Variants in DUXA observed in about 807,000 individuals in gnomAD.
DUXA encodes double homeobox A.
In DUXA, 25 loss-of-function variants were observed where a neutral mutation model predicts 27.5. The ratio of observed to expected loss-of-function variants is 0.91; its 90% CI spans 0.66 to 1.27. The LOEUF (loss-of-function observed/expected upper bound fraction) is 1.27. Among genes scored for constraint, DUXA ranks in the 50% most tolerant of loss-of-function variants. The pLI is 0.00. For missense variants in DUXA, 247 were observed against 242.9 expected, an observed-to-expected ratio of 1.02 and a Z score of -0.11; for synonymous variants, 90 against 80.5, an observed-to-expected ratio of 1.12 and a Z score of -0.63.
chr19:57,157,084 G>A (rs895039730), intron 4 of DUXA, among the ~76,000 whole-genome samples: 13 of 152,214 alleles, frequency 8.5e-5, no homozygotes, highest in South Asian at 2.1e-4. Context: ...TAGATGCTCC[G>A]AATAATGCAA....
chr19:57,154,227 A>T lies in DUXA; in HGVS notation c.*185T>A. 1.9e-6 allele frequency: 1 copy of T among 540,456 alleles called. No homozygotes were observed. The highest frequency in any genetic ancestry group is 3.3e-6 in the Non-Finnish European group (1 of 300,170). 33.5% of individuals were successfully genotyped at this position (540,456 alleles called of 1,614,324 possible). A position where few individuals can be genotyped will look rare whatever the true frequency, so the allele number is the denominator to read the frequency against. ...GGTTTCAAACTCCTGAGCTCAAGCAATCTTCCTGCCTTGGCCTCCCAAAGT... is the reference window on the plus strand; with the variant it reads ...GGTTTCAAACTCCTGAGCTCAAGCATTCTTCCTGCCTTGGCCTCCCAAAGT... On this transcript the variant is annotated 3_prime_UTR_variant, in exon 6 of 6. Transcript: ENST00000554048.
At chr19:57,165,578 G>T (rs1221024824) in intron 1 of DUXA, among the ~76,000 whole-genome samples, 1 of 151,198 alleles carries the variant, frequency 6.6e-6, no homozygotes, top group African/African-American at 2.4e-5. Flanking sequence ...GGCCGAGGCG[G>T]GCAGATCACG....
At chr19:57,161,041 G>C (rs1337534982) in intron 1 of DUXA, among the ~76,000 whole-genome samples, 2 of 151,816 alleles carry the variant, frequency 1.3e-5, no homozygotes, top group East Asian at 3.9e-4. Context: ...AAAAACCATT[G>C]TGAGCCGGGC....
At chr19:57,159,869 G>A (rs576947891) in intron 2 of DUXA, among the ~76,000 whole-genome samples, 39 of 151,966 alleles carry the variant, frequency 2.6e-4, no homozygotes, top group African/African-American at 8.9e-4. Context: ...TTGGGAAGCC[G>A]AAGCAGGCAG....
At chr19:57,159,312 G>A in intron 2 of DUXA, 34 bp from the exon 3 acceptor site, 21 of 1,587,992 alleles carry the variant, frequency 1.3e-5, no homozygotes, top group Non-Finnish European at 1.8e-5. Context: ...AGAATTACGT[G>A]TTAATGTCAT....
intron 4 of DUXA, 57 bp from the exon 5 acceptor site, chr19:57,155,429 G>T (rs2086988035): frequency 7.5e-7 from 1 of 1,335,060 alleles, no homozygotes; most frequent in South Asian, 1.2e-5. Context: ...TAAAACTCAT[G>T]ATTGCTTTCT....
At chr19:57,160,567 A>G (rs2087015260) in intron 2 of DUXA, 76 bp downstream of exon 2, 2 of 1,537,032 alleles carry the variant, frequency 1.3e-6, no homozygotes, top group Non-Finnish European at 8.9e-7. Flanking sequence ...ACATGGGTAC[A>G]TAGTATGGGC....
chr19:57,162,455 TAAG>T (rs1370327481), intron 1 of DUXA, among the ~76,000 whole-genome samples: 2 of 152,200 alleles, frequency 1.3e-5, no homozygotes, highest in Non-Finnish European at 2.9e-5. Context: ...TGAATTGAGA[TAAG>T]AAGAAAATTT....
At chr19:57,164,497 C>T (rs916065594) in intron 1 of DUXA, among the ~76,000 whole-genome samples, 1 of 152,120 alleles carries the variant, frequency 6.6e-6, no homozygotes, top group Non-Finnish European at 1.5e-5. Flanking sequence ...ATCGCTTGAA[C>T]CCGGGAGGCA....
intron 2 of DUXA, 61 bp downstream of exon 2, chr19:57,160,582 T>A (rs2087015361): frequency 6.3e-7 from 1 of 1,588,168 alleles, no homozygotes; most frequent in African/African-American, 1.4e-5. Context: ...ATGGGCTCCG[T>A]TAATGGTTCT....
intron 2 of DUXA, among the ~76,000 whole-genome samples, chr19:57,159,978 G>A (rs547375442): frequency 1.1e-4 from 16 of 152,134 alleles, no homozygotes; most frequent in African/African-American, 2.9e-4. Flanking sequence ...GGCGGCAGGC[G>A]CCTGTAGTCC....
chr19:57,161,414 G>A (rs1042585436), intron 1 of DUXA, among the ~76,000 whole-genome samples: 1 of 149,030 alleles, frequency 6.7e-6, no homozygotes, highest in East Asian at 2.0e-4. Context: ...ACAAGGTCAG[G>A]AGATCGAGAC....
chr19:57,156,453 G>C (rs2122688794), intron 4 of DUXA, among the ~76,000 whole-genome samples: 1 of 152,230 alleles, frequency 6.6e-6, no homozygotes, highest in Middle Eastern at 3.4e-3. Flanking sequence ...CCAGGCTAGA[G>C]GGCAGTGGTG....
Position 57,154,481 on chromosome 19 carries a change from A to G in DUXA, c.546T>C (p.Gly182=), listed in dbSNP as rs746659494. 4 of 1,612,330 alleles carry G rather than the reference A, an allele frequency of 2.5e-6. No homozygotes were observed. Among genetic ancestry groups the G allele is most frequent in the East Asian group, 2.2e-5 (1 of 44,838 alleles). ...TGGTGCCATTTTGTGTATCTTCTGC[A>G]CCTAAGGAGGAAAAAAGATAGAGGA... ...EQGKIPEGLQ[G]AEDTQNGTNF... The change falls in exon 6 of 6, where the codon GGT becomes GGC. Residue 182 remains glycine (G), a splice_region_variant and synonymous_variant. Coordinates refer to ENST00000554048, the MANE Select transcript of DUXA (RefSeq NM_001012729.2).
In DUXA at chr19:57,160,765, T is replaced by TGCGACA. The variant is rs1288587064; in HGVS notation, c.52_57dup (p.Cys18_Arg19dup). The TGCGACA allele has an allele frequency of 1.9e-6, 3 of 1,614,094 alleles. No individual in the cohort carries two copies. Among genetic ancestry groups the TGCGACA allele is most frequent in the Non-Finnish European group, 2.5e-6 (3 of 1,180,044 alleles). On this transcript the variant is annotated inframe_insertion, in exon 2 of 6. Transcript: ENST00000554048. ...TTCAACTGTTCTTCTGTGAATTTTG[T>TGCGACA]GCGACAGCGCCTATGATTTGTTTTT...
At position 57,158,505 on chromosome 19, in the gene DUXA, G is replaced by A. The variant is rs200973811; in HGVS notation, c.293-32C>T. On this transcript the variant is annotated intron_variant, in intron 3 of 5. Transcript: ENST00000554048. ...AAGGCATGGAAAGATGGAGGGGGGC[G>A]GTCAAGGAATATTGCAAGGGTCCAT... 3.9e-5 allele frequency: 62 copies of A among 1,605,734 alleles called. No homozygotes were observed. In the East Asian group the frequency reaches 6.7e-4, roughly 17 times the overall value.
At chr19:57,162,197 T>C (rs2087027766) in intron 1 of DUXA, among the ~76,000 whole-genome samples, 1 of 152,122 alleles carries the variant, frequency 6.6e-6, no homozygotes, top group Admixed American at 6.6e-5. Context: ...CGGAGCATAT[T>C]TTTTTTACTT....
At chr19:57,161,512 A>G (rs1293616296) in intron 1 of DUXA, among the ~76,000 whole-genome samples, 1 of 148,028 alleles carries the variant, frequency 6.8e-6, no homozygotes, top group Non-Finnish European at 1.5e-5. Flanking sequence ...AGTCCCAGCT[A>G]CTCCGGAGGC....
rs1438306504 is a variant in DUXA at position 57,159,190 on chromosome 19, T to A, written c.269A>T (p.Asp90Val). The A allele has an allele frequency of 6.2e-7, 1 of 1,614,160 alleles. No individual in the cohort carries two copies. The highest frequency in any genetic ancestry group is 1.3e-5 in the African/African-American group (1 of 75,042). The change falls in exon 3 of 6, where the codon GAT (aspartate) becomes GTT (valine). Residue 90 changes from aspartate to valine, a missense_variant. By Grantham distance (152) the Asp-to-Val change is radical (BLOSUM62 -3). Transcript: ENST00000554048. ...TLESSQSQGQ[D>V]QPGVEFQSRE... The stretch of plus-strand genomic sequence containing the variant: ...ACTTTGAAACTCCACACCAGGTTGA[T>A]CTTGCCCCTGGCTCTGGCTTGATTC...
Sources: gnomAD v4.1 joint callset for allele counts (sites outside exome capture counted in the v4.1 genomes callset) on GRCh38, gnomAD v4.1.1 for gene constraint, MANE v1.5 for transcripts, NCBI Gene and HGNC (gene_info 2026-07-23, HGNC 2026-07-21) for gene names.